Variants in MGMT observed in about 807,000 individuals in gnomAD.
MGMT encodes the protein O-6-methylguanine-DNA methyltransferase.
A neutral mutation model predicts 15.9 loss-of-function variants in MGMT; 14 were observed. The ratio of observed to expected loss-of-function variants is 0.88; its 90% CI spans 0.58 to 1.37. The LOEUF (loss-of-function observed/expected upper bound fraction) is 1.37, where lower values mean the gene tolerates loss of function less well. MGMT is among the 40% of genes most tolerant of loss of function. MGMT has a pLI of 0.00. For synonymous variants in MGMT, 130 were observed against 118.2 expected (o/e 1.10, Z -0.65); for missense variants, 282 against 268.1 (o/e 1.05, Z -0.36).
intron 2 of MGMT, among the ~76,000 whole-genome samples, chr10:129,585,701 C>T (rs1282018302): frequency 1.3e-5 from 2 of 151,976 alleles, no homozygotes; most frequent in African/African-American, 4.8e-5. Flanking sequence ...AATTTTTTTC[C>T]GAATATTTTT....
At chr10:129,515,347 G>A (rs533811575) in intron 1 of MGMT, among the ~76,000 whole-genome samples, 6 of 152,180 alleles carry the variant, frequency 3.9e-5, no homozygotes, top group East Asian at 1.9e-4. Flanking sequence ...TGGGGTTGGG[G>A]ACTCCACTTG....
chr10:129,501,595 C>T (rs1159822872), intron 1 of MGMT, among the ~76,000 whole-genome samples: 1 of 152,142 alleles, frequency 6.6e-6, no homozygotes, highest in Non-Finnish European at 1.5e-5. Context: ...TTTACCTCCC[C>T]ATTCTTTGGT....
At chr10:129,710,937 T>A (rs909707495) in intron 3 of MGMT, among the ~76,000 whole-genome samples, 1 of 152,210 alleles carries the variant, frequency 6.6e-6, no homozygotes, top group South Asian at 2.1e-4. Context: ...ATAGTCTCAC[T>A]TCTGAGATTG....
intron 2 of MGMT, among the ~76,000 whole-genome samples, chr10:129,696,653 C>T (rs1284491087): frequency 2.0e-5 from 3 of 152,254 alleles, no homozygotes; most frequent in Non-Finnish European, 4.4e-5. Context: ...CCTCAGCACC[C>T]TTGTGTCTTG....
chr10:129,618,104 A>T (rs1385199393), intron 2 of MGMT, among the ~76,000 whole-genome samples: 3 of 152,142 alleles, frequency 2.0e-5, no homozygotes, highest in Non-Finnish European at 4.4e-5. Context: ...AGATAGAGCC[A>T]GGCCCCTTGG....
intron 2 of MGMT, among the ~76,000 whole-genome samples, chr10:129,557,333 TC>T (rs1054087246): frequency 1.3e-5 from 2 of 152,198 alleles, no homozygotes; most frequent in African/African-American, 4.8e-5. Context: ...TTCCCACCTT[TC>T]CCTAAGGGTT....
chr10:129,526,083 AC>A (rs1395950792), intron 1 of MGMT, among the ~76,000 whole-genome samples: 2 of 152,206 alleles, frequency 1.3e-5, no homozygotes, highest in Non-Finnish European at 2.9e-5. Context: ...AGCCGAATCC[AC>A]GGGGAGACCC....
In MGMT at chr10:129,521,579, C is replaced by T. The variant is rs150054417; in HGVS notation, c.-12-14662C>T. On this transcript the variant is annotated intron_variant, in intron 1 of 4. Coordinates refer to ENST00000651593, the MANE Select transcript of MGMT (RefSeq NM_002412.5). ...CCAAGAGCAGCTGCTGAGAGACCCA[C>T]CTCAGTCCTGCAGGAGTCCAGGCTC... Among the ~76,000 whole-genome samples the T allele has an allele frequency of 1.6e-3, 249 of 152,338 alleles. 1 individual carries two copies. The highest frequency in any genetic ancestry group is 2.7e-3 in the Non-Finnish European group (181 of 68,028).
intron 3 of MGMT, among the ~76,000 whole-genome samples, chr10:129,719,848 G>A (rs1848348859): frequency 6.6e-6 from 1 of 152,176 alleles, no homozygotes; most frequent in Non-Finnish European, 1.5e-5. Context: ...TAGTAACAAT[G>A]TGTAAAATGT....
At position 129,536,366 on chromosome 10, in the gene MGMT, G is replaced by A. The variant is rs751269604; in HGVS notation, c.114G>A (p.Thr38=). Reference sequence around the variant, plus strand: ...AAATAAAGCTCCTGGGCAAGGGGACGTCTGCAGCTGAGTAAGTATGAGCCC... The same window carrying A: ...AAATAAAGCTCCTGGGCAAGGGGACATCTGCAGCTGAGTAAGTATGAGCCC... ...LHEIKLLGKG[T]SAADAVEVPA... Residue 38 remains threonine (T), a synonymous_variant, in exon 2 of 5, where the codon ACG becomes ACA. Coordinates refer to ENST00000651593, the MANE Select transcript of MGMT (RefSeq NM_002412.5). The A allele has an allele frequency of 4.6e-5, 74 of 1,612,950 alleles. No homozygotes were observed. Among genetic ancestry groups the A allele is most frequent in the South Asian group, 2.3e-4 (21 of 90,924 alleles).
chr10:129,744,711 T>C (rs1848674413), intron 3 of MGMT, among the ~76,000 whole-genome samples: 1 of 152,098 alleles, frequency 6.6e-6, no homozygotes, highest in Non-Finnish European at 1.5e-5. Flanking sequence ...AGTGTGCGCC[T>C]CCACAGGGAC....
chr10:129,680,894 C>T (rs1049138442), intron 2 of MGMT, among the ~76,000 whole-genome samples: 2 of 152,192 alleles, frequency 1.3e-5, no homozygotes, highest in Admixed American at 1.3e-4. Flanking sequence ...GCTGTGTGGA[C>T]GCTGCCTGTG....
At chr10:129,562,516 T>C (rs934375744) in intron 2 of MGMT, among the ~76,000 whole-genome samples, 4 of 152,200 alleles carry the variant, frequency 2.6e-5, no homozygotes, top group African/African-American at 9.7e-5. Flanking sequence ...AGATGTAAAA[T>C]TCTTAATCTT....
At chr10:129,625,092 A>G (rs1203011546) in intron 2 of MGMT, among the ~76,000 whole-genome samples, 3 of 152,268 alleles carry the variant, frequency 2.0e-5, no homozygotes, top group Non-Finnish European at 2.9e-5. Flanking sequence ...CAGAATCTAC[A>G]AATATTCAAA....
intron 2 of MGMT, among the ~76,000 whole-genome samples, chr10:129,610,656 C>G (rs1342540891): frequency 6.6e-6 from 1 of 152,228 alleles, no homozygotes; most frequent in African/African-American, 2.4e-5. Flanking sequence ...TTGGAACACA[C>G]TTATAAAGAC....
At chr10:129,643,298 G>C (rs1043390388) in intron 2 of MGMT, among the ~76,000 whole-genome samples, 12 of 152,166 alleles carry the variant, frequency 7.9e-5, no homozygotes, top group African/African-American at 2.7e-4. Flanking sequence ...TTGATTCAAG[G>C]AGAAAAACTG....
At chr10:129,552,395 C>G (rs1846167694) in intron 2 of MGMT, among the ~76,000 whole-genome samples, 1 of 152,250 alleles carries the variant, frequency 6.6e-6, no homozygotes, top group East Asian at 1.9e-4. Flanking sequence ...GCCCCCGGGC[C>G]TGGGCCTCCT....
chr10:129,727,455 C>T (rs877184), intron 3 of MGMT, among the ~76,000 whole-genome samples: 8,012 of 152,218 alleles, frequency 0.053, 484 homozygotes, highest in African/African-American at 0.15. Context: ...CTGAGCCCGA[C>T]CCTTCTGAAT....
At chr10:129,736,240 T>G (rs1848559255) in intron 3 of MGMT, among the ~76,000 whole-genome samples, 1 of 150,004 alleles carries the variant, frequency 6.7e-6, no homozygotes, top group Non-Finnish European at 1.5e-5. Flanking sequence ...CGAATCTGGG[T>G]GCTCCTGTAT....
Sources: gnomAD v4.1 joint callset for allele counts (sites outside exome capture counted in the v4.1 genomes callset) on GRCh38, gnomAD v4.1.1 for gene constraint, MANE v1.5 for transcripts, NCBI Gene and HGNC (gene_info 2026-07-23, HGNC 2026-07-21) for gene names.